The following TTLL8 variants were observed in gnomAD, a reference collection of about 807,000 sequenced individuals.
The protein encoded by TTLL8 is protein monoglycylase TTLL8.
Under a neutral mutation model 77.8 loss-of-function variants are expected in TTLL8, and 65 were observed. The ratio of observed to expected loss-of-function variants is 0.84; its 90% CI spans 0.68 to 1.03. The LOEUF is 1.03. TTLL8 is among the 50% of genes least tolerant of loss of function. TTLL8 has a pLI of 0.00. For synonymous variants in TTLL8, 402 were observed against 422.8 expected, an observed-to-expected ratio of 0.95 and a Z score of 0.60; for missense variants, 910 against 1,004.5, an observed-to-expected ratio of 0.91 and a Z score of 1.27.
At chr22:50,049,543 A>C (rs1024442508) in intron 2 of TTLL8, among the ~76,000 whole-genome samples, 1 of 151,774 alleles carries the variant, frequency 6.6e-6, no homozygotes, top group African/African-American at 2.4e-5. Context: ...ACCGCACAGC[A>C]CCTCCCCAGG....
chr22:50,047,434 T>G (rs2061419727), intron 3 of TTLL8, 138 bp from the exon 6 acceptor site: 7 of 608,532 alleles, frequency 1.2e-5, no homozygotes, highest in Non-Finnish European at 1.3e-5. Context: ...CAGGCAGTAG[T>G]GCTCCTTGTG....
intron 8 of TTLL8, among the ~76,000 whole-genome samples, chr22:50,040,568 T>C (rs1158325540): frequency 2.6e-5 from 4 of 152,238 alleles, no homozygotes. Context: ...ACGTTTTGTG[T>C]CTCAAGTGGG....
At chr22:50,033,831 T>TC (rs1489057633) in intron 9 of TTLL8, among the ~76,000 whole-genome samples, 3 of 152,188 alleles carry the variant, frequency 2.0e-5, no homozygotes, top group African/African-American at 7.2e-5. Context: ...GGTCGGGAGT[T>TC]CAAGACCAGC....
At chr22:50,047,075 C>T (rs1180094195) in intron 4 of TTLL8, 93 bp downstream of exon 6, 1 of 1,288,228 alleles carries the variant, frequency 7.8e-7, no homozygotes, top group East Asian at 5.1e-5. Context: ...GACTGGTGGC[C>T]ACTGACCAGC....
intron 3 of TTLL8, 165 bp downstream of exon 5, chr22:50,049,084 C>A (rs1481706838): frequency 1.1e-6 from 1 of 933,978 alleles, no homozygotes; most frequent in Admixed American, 6.2e-5. Flanking sequence ...CCCCTGGGGG[C>A]AGCCAGGCCC....
Position 50,049,337 on chromosome 22 carries a change from C to T in TTLL8, c.191-15G>A. 1 of 1,367,414 alleles carries T rather than the reference C, an allele frequency of 7.3e-7. No homozygotes were observed. The highest frequency in any genetic ancestry group is 9.8e-7 in the Non-Finnish European group (1 of 1,021,822). 84.7% of individuals were successfully genotyped at this position (1,367,414 alleles called of 1,614,324 possible). A position where few individuals can be genotyped will look rare whatever the true frequency, so the allele number is the denominator to read the frequency against. ...ACATGTATCATCTGCCAACAAAACA[C>T]AGGGGAGGCCTGAACATGAAGCCTC... On this transcript the variant is annotated splice_polypyrimidine_tract_variant and intron_variant, in intron 2 of 13. Transcript: ENST00000266182.
At chr22:50,019,066 C>T (rs749118844) in intron 12 of TTLL8, among the ~76,000 whole-genome samples, 12 of 152,260 alleles carry the variant, frequency 7.9e-5, no homozygotes, top group Non-Finnish European at 1.3e-4. Flanking sequence ...GAAGGGAGCA[C>T]GGGACTTCAC....
intron 12 of TTLL8, among the ~76,000 whole-genome samples, chr22:50,023,759 G>A (rs1020535888): frequency 2.0e-5 from 3 of 152,026 alleles, no homozygotes; most frequent in Admixed American, 6.5e-5. Flanking sequence ...GGTGGCTCAC[G>A]CCTGTAATCC....
chr22:50,050,841 C>T (rs538918953), intron 1 of TTLL8, among the ~76,000 whole-genome samples: 21 of 152,336 alleles, frequency 1.4e-4, no homozygotes, highest in African/African-American at 5.1e-4. Context: ...TATCACGACC[C>T]TTTCACGTGG....
At chr22:50,037,266 C>T (rs979759415) in intron 8 of TTLL8, among the ~76,000 whole-genome samples, 2 of 151,586 alleles carry the variant, frequency 1.3e-5, no homozygotes, top group African/African-American at 4.9e-5. Flanking sequence ...AGTGCAGTGG[C>T]GCCATCTCAG....
chr22:50,045,769 C>T (rs1323164886), intron 5 of TTLL8, 87 bp downstream of exon 7: 1 of 1,257,630 alleles, frequency 8.0e-7, no homozygotes, highest in Non-Finnish European at 1.0e-6. Context: ...CAGACCCTGC[C>T]CCATCAGTCT....
intron 12 of TTLL8, among the ~76,000 whole-genome samples, chr22:50,019,763 G>A (rs1340745033): frequency 6.6e-6 from 1 of 152,234 alleles, no homozygotes; most frequent in Non-Finnish European, 1.5e-5. Flanking sequence ...AAATGTGGAG[G>A]ATAAATGTTT....
intron 5 of TTLL8, 149 bp from the exon 8 acceptor site, chr22:50,045,538 C>T: frequency 1.4e-6 from 1 of 704,980 alleles, no homozygotes. Context: ...CCCCAGTCTG[C>T]CTGCCCTTCT....
At chr22:50,028,550 G>A (rs2061246234) in intron 12 of TTLL8, among the ~76,000 whole-genome samples, 1 of 151,856 alleles carries the variant, frequency 6.6e-6, no homozygotes, top group African/African-American at 2.4e-5. Flanking sequence ...TCAGGGAGGC[G>A]GCAACACCTG....
intron 3 of TTLL8, among the ~76,000 whole-genome samples, 171 bp from the exon 6 acceptor site, chr22:50,047,467 G>A (rs905088828): frequency 6.6e-6 from 1 of 152,206 alleles, no homozygotes; most frequent in African/African-American, 2.4e-5. Flanking sequence ...ATGGGATGTG[G>A]GGCGCAACCA....
chr22:50,030,602 G>C (rs1172991997), exon 12 of TTLL8: 2 of 1,298,876 alleles, frequency 1.5e-6, no homozygotes, highest in Admixed American at 2.3e-5. Context: ...GGCAGGCCGG[G>C]AGCTCCACCT....
At chr22:50,021,030 TTCCTCCATCTGATGTGCAC>T (rs147707638) in intron 12 of TTLL8, among the ~76,000 whole-genome samples, 28,350 of 112,322 alleles carry the variant, frequency 0.25, 2,962 homozygotes, top group South Asian at 0.46. Context: ...ACAACGTGCA[TTCCTCCATCTGATGTGCAC>T]TCCTCCATCT....
intron 12 of TTLL8, among the ~76,000 whole-genome samples, chr22:50,021,638 C>T (rs540142766): frequency 8.4e-4 from 124 of 146,920 alleles, no homozygotes; most frequent in African/African-American, 3.0e-3. Flanking sequence ...ATGCACTCCT[C>T]CATCTGATGA....
intron 12 of TTLL8, among the ~76,000 whole-genome samples, chr22:50,026,648 A>G (rs2061231257): frequency 6.6e-6 from 1 of 152,244 alleles, no homozygotes. Context: ...TTTGGAGAAG[A>G]GACTAGAAAA....
Sources: gnomAD v4.1 joint callset for allele counts (sites outside exome capture counted in the v4.1 genomes callset) on GRCh38, gnomAD v4.1.1 for gene constraint, MANE v1.5 for transcripts, NCBI Gene and HGNC (gene_info 2026-07-23, HGNC 2026-07-21) for gene names.